Variants in ITSN2 observed in about 807,000 individuals in gnomAD.
ITSN2 encodes intersectin 2, also known as intersectin-2.
Under a neutral mutation model 243.7 loss-of-function variants are expected in ITSN2, and 156 were observed. The ratio of observed to expected loss-of-function variants is 0.64; its 90% CI spans 0.56 to 0.73. The LOEUF is 0.73. Ranked by LOEUF, ITSN2 falls within the 30% of genes least tolerant of loss-of-function variation. The pLI is 0.00. For missense variants in ITSN2, 1,801 were observed against 1,996.1 expected, an observed-to-expected ratio of 0.90 and a Z score of 1.86; for synonymous variants, 703 against 699.9, an observed-to-expected ratio of 1.00 and a Z score of -0.07.
chr2:24,326,423 A>G (rs1028308212), intron 2 of ITSN2, among the ~76,000 whole-genome samples: 22 of 152,340 alleles, frequency 1.4e-4, no homozygotes, highest in African/African-American at 5.3e-4. Flanking sequence ...CATTTTGCTT[A>G]TAAAACTGAT....
At chr2:24,280,472 CTATGTG>C (rs1209273491) in intron 17 of ITSN2, among the ~76,000 whole-genome samples, 1 of 152,218 alleles carries the variant, frequency 6.6e-6, no homozygotes. Context: ...GGAACTTCCT[CTATGTG>C]ATCAGGAAAC....
intron 29 of ITSN2, among the ~76,000 whole-genome samples, chr2:24,245,120 A>G (rs1673180468): frequency 6.6e-6 from 1 of 152,216 alleles, no homozygotes. Flanking sequence ...GTTATTTCCA[A>G]GTACTATTCA....
Position 24,208,423 on chromosome 2 carries a change from C to T in ITSN2, c.4596-104G>A, listed in dbSNP as rs1669138748. On this transcript the variant is annotated intron_variant, in intron 36 of 39. Transcript: ENST00000355123. ...TTCTTCAGTCTTTTGCTAACCTCAA[C>T]TTTCACAAGTTTCCTATCAAAGACC... 8 of 831,066 alleles carry T rather than the reference C, an allele frequency of 9.6e-6. 1 individual carries two copies. Among genetic ancestry groups the T allele is most frequent in the Non-Finnish European group, 1.6e-5 (8 of 502,574 alleles). 51.5% of individuals were successfully genotyped at this position (831,066 alleles called of 1,614,324 possible).
intron 1 of ITSN2, among the ~76,000 whole-genome samples, 182 bp from the exon 2 acceptor site, chr2:24,328,297 T>C (rs1462500957): frequency 1.3e-5 from 2 of 152,190 alleles, no homozygotes; most frequent in Non-Finnish European, 2.9e-5. Flanking sequence ...AGAGATTTTG[T>C]TGGGTAATCG....
chr2:24,204,179 AGATCTGGACTCCAG>A lies in ITSN2; in HGVS notation c.4936+52_4936+65del, dbSNP rs1558416254. The A allele has an allele frequency of 1.3e-6, 2 of 1,516,138 alleles. No individual in the cohort carries two copies. 93.9% of individuals were successfully genotyped at this position (1,516,138 alleles called of 1,614,324 possible). On this transcript the variant is annotated intron_variant, in intron 39 of 39. Coordinates refer to ENST00000355123, the MANE Select transcript of ITSN2 (RefSeq NM_006277.3). This position sits in a 1 kb window ranked among gnomAD's most constrained non-coding sequence, Gnocchi z 5.1. ...GGGTCTGCACACAGCTGAAGCCCCT[AGATCTGGACTCCAG>A]GATCTAGGAAACTGGGAAAGCCTTT...
chr2:24,277,124 A>G (rs540806226), intron 17 of ITSN2, among the ~76,000 whole-genome samples: 51 of 152,282 alleles, frequency 3.3e-4, no homozygotes, highest in Non-Finnish European at 5.4e-4. Context: ...ATTTTGAACT[A>G]GATTTCTTTC....
intron 27 of ITSN2, among the ~76,000 whole-genome samples, chr2:24,247,450 A>G (rs1247893831): frequency 6.6e-6 from 1 of 152,194 alleles, no homozygotes; most frequent in Admixed American, 6.5e-5. Flanking sequence ...ACATGAGTGT[A>G]ATAGCTGTAG....
intron 2 of ITSN2, among the ~76,000 whole-genome samples, chr2:24,321,125 G>C (rs907443060): frequency 6.6e-6 from 1 of 152,166 alleles, no homozygotes; most frequent in African/African-American, 2.4e-5. Flanking sequence ...TTTTGTTCCA[G>C]ACTATCTCTG....
chr2:24,330,827 C>T lies in ITSN2; in HGVS notation c.-33-2712G>A, dbSNP rs533488774. 9.9e-5 allele frequency among the ~76,000 whole-genome samples: 15 copies of T among 151,480 alleles called. No homozygotes were observed. The East Asian group carries it at 2.5e-3, about 25-fold the overall frequency. On this transcript the variant is annotated intron_variant, in intron 1 of 39. Transcript: ENST00000355123. ...TATCGCCCAGGCTGGAGTGCAGTGG[C>T]GTGATCTTGGCTCACTGCAACCTCC...
intron 1 of ITSN2, among the ~76,000 whole-genome samples, chr2:24,330,959 G>A (rs186759118): frequency 1.5e-4 from 22 of 151,228 alleles, no homozygotes; most frequent in African/African-American, 3.2e-4. Flanking sequence ...CAGAGATGGC[G>A]TTTCACCATG....
chr2:24,278,573 G>T (rs920617750), intron 17 of ITSN2, among the ~76,000 whole-genome samples: 1 of 151,354 alleles, frequency 6.6e-6, no homozygotes, highest in African/African-American at 2.4e-5. Flanking sequence ...CTTCCAGGAG[G>T]TCCTTGCTAC....
In ITSN2 at chr2:24,302,036, A is replaced by G; in HGVS notation, c.924T>C (p.Leu308=). The change falls in exon 10 of 40, where the codon CTT becomes CTC. Residue 308 remains leucine (L), a synonymous_variant. Coordinates refer to ENST00000355123, the MANE Select transcript of ITSN2 (RefSeq NM_006277.3). ...KAEEFILAMH[L]TDMAKAGQPL... ...GCTGTCCAGCTTTGGCCATGTCAGT[A>G]AGGTGCATTGCAAGAATAAACTCTT... 6.2e-7 allele frequency: 1 copy of G among 1,613,236 alleles called. No individual in the cohort carries two copies. The highest frequency in any genetic ancestry group is 8.5e-7 in the Non-Finnish European group (1 of 1,179,352).
chr2:24,237,473 A>G (rs1035485801), intron 29 of ITSN2, among the ~76,000 whole-genome samples: 12 of 152,114 alleles, frequency 7.9e-5, no homozygotes, highest in African/African-American at 2.7e-4. Flanking sequence ...TCACTGGTTC[A>G]ACAACTACCA....
At chr2:24,300,449 G>A (rs1230181108) in intron 11 of ITSN2, among the ~76,000 whole-genome samples, 2 of 152,162 alleles carry the variant, frequency 1.3e-5, no homozygotes, top group Non-Finnish European at 2.9e-5. Flanking sequence ...TGGGTGTGGT[G>A]GCTCATGCCT....
chr2:24,218,967 C>T (rs1670207243), intron 30 of ITSN2, among the ~76,000 whole-genome samples: 1 of 152,192 alleles, frequency 6.6e-6, no homozygotes, highest in Non-Finnish European at 1.5e-5. Flanking sequence ...CCTGGAGGTT[C>T]CAGGGCCTAT....
chr2:24,295,572 G>C, intron 14 of ITSN2, 92 bp downstream of exon 14: 1 of 1,008,142 alleles, frequency 9.9e-7, no homozygotes, highest in Non-Finnish European at 1.4e-6. Flanking sequence ...GCCTCCCAAA[G>C]TGCTAGCATT....
Position 24,252,472 on chromosome 2 carries a change from C to T in ITSN2, c.2993G>A (p.Gly998Glu). ...ALYPYSSVEP[G>E]DLTFTEGEEI... ...TTCACCTTCTGTGAAAGTCAAATCT[C>T]CAGGTTCCACACTTGAATATGGATA... The change falls in exon 25 of 40, where the codon GGA becomes GAA. Residue 998 changes from glycine (G) to glutamate (E), a missense_variant. Physicochemically the swap from Gly to Glu is moderately conservative, Grantham distance 98. Transcript: ENST00000355123. 6.2e-7 allele frequency: 1 copy of T among 1,612,502 alleles called. No homozygotes were observed. The highest frequency in any genetic ancestry group is 8.5e-7 in the Non-Finnish European group (1 of 1,178,730).
At position 24,204,174 on chromosome 2, in the gene ITSN2, C is replaced by T. The variant is rs764173343; in HGVS notation, c.4936+71G>A. The T allele has an allele frequency of 6.8e-7, 1 of 1,463,296 alleles. No homozygotes were observed. The highest frequency in any genetic ancestry group is 1.4e-5 in the African/African-American group (1 of 71,786). 90.6% of individuals were successfully genotyped at this position (1,463,296 alleles called of 1,614,324 possible). A position where few individuals can be genotyped will look rare whatever the true frequency, so the allele number is the denominator to read the frequency against. On this transcript the variant is annotated intron_variant, in intron 39 of 39. Transcript: ENST00000355123. This position sits in a 1 kb window ranked among gnomAD's most constrained non-coding sequence, Gnocchi z 5.1. ...GCATGGGGTCTGCACACAGCTGAAGCCCCTAGATCTGGACTCCAGGATCTA... is the reference window on the plus strand; with the variant it reads ...GCATGGGGTCTGCACACAGCTGAAGTCCCTAGATCTGGACTCCAGGATCTA...
At chr2:24,333,822 GGTCA>G (rs927796637) in intron 1 of ITSN2, among the ~76,000 whole-genome samples, 2 of 152,058 alleles carry the variant, frequency 1.3e-5, no homozygotes, top group African/African-American at 2.4e-5. Flanking sequence ...TTTTACAAAC[GGTCA>G]GTAAGACTCA....
Sources: gnomAD v4.1 joint callset for allele counts (sites outside exome capture counted in the v4.1 genomes callset) on GRCh38, gnomAD v4.1.1 for gene constraint, Gnocchi (gnomAD v3.1) non-coding constraint, MANE v1.5 for transcripts, NCBI Gene and HGNC (gene_info 2026-07-23, HGNC 2026-07-21) for gene names.